Variants in DPYSL2 observed in about 807,000 individuals in gnomAD.
The protein encoded by DPYSL2 is dihydropyrimidinase-related protein 2.
Under a neutral mutation model 69.9 loss-of-function variants are expected in DPYSL2, and 13 were observed. That is an observed-to-expected ratio of 0.19 (90% CI 0.12 to 0.30). DPYSL2 has a LOEUF of 0.30. Among genes scored for constraint, DPYSL2 ranks in the 10% least tolerant of loss-of-function variants. The probability of loss-of-function intolerance (pLI) is 1.00; values close to 1 mark genes in which losing one functional copy is unlikely to be tolerated. For missense variants in DPYSL2, 587 were observed against 918.9 expected (o/e 0.64, Z 4.67); for synonymous variants, 326 against 359.1 (o/e 0.91, Z 1.04).
intron 1 of DPYSL2, among the ~76,000 whole-genome samples, chr8:26,569,370 AC>A (rs201779587): frequency 0.14 from 12,882 of 90,750 alleles, 1,181 homozygotes; most frequent in Non-Finnish European, 0.17. Context: ...AAAAACAAAA[AC>A]AAAAACAAAA....
In DPYSL2 at chr8:26,587,770, C is replaced by T. The variant is rs564138642; in HGVS notation, c.628+3787C>T. Among the ~76,000 whole-genome samples, 8 of 152,210 alleles carry T rather than the reference C, an allele frequency of 5.3e-5. No individual in the cohort carries two copies. In the East Asian group the frequency reaches 7.8e-4, roughly 15 times the overall value. The stretch of plus-strand genomic sequence containing the variant: ...CAGACCGGCTGAGGGGTTGCGGGGG[C>T]GGCCGCATTGCTGCTTGGGGAAAAC... On this transcript the variant is annotated intron_variant, in intron 3 of 13. Coordinates refer to ENST00000521913, the MANE Select transcript of DPYSL2 (RefSeq NM_001197293.3). This position sits in a 1 kb window ranked among gnomAD's most constrained non-coding sequence, Gnocchi z 4.2.
intron 1 of DPYSL2, among the ~76,000 whole-genome samples, chr8:26,563,998 T>C (rs906218269): frequency 2.0e-5 from 3 of 151,568 alleles, no homozygotes; most frequent in African/African-American, 4.9e-5. Flanking sequence ...TAAGACTGGG[T>C]AAGAGGAACT....
chr8:26,577,982 T>A lies in DPYSL2; in HGVS notation c.355-3987T>A. The A allele has an allele frequency of 2.3e-6, 3 of 1,315,788 alleles. No individual in the cohort carries two copies. In the South Asian group the frequency reaches 5.0e-5, roughly 22 times the overall value. 81.5% of individuals were successfully genotyped at this position (1,315,788 alleles called of 1,614,324 possible). Reference sequence around the variant, plus strand: ...TATTTCCACCCCCTTCCCTCCTGTTTCTCTCTCTCCTTCTCTCTCTCTCTC... The same window carrying A: ...TATTTCCACCCCCTTCCCTCCTGTTACTCTCTCTCCTTCTCTCTCTCTCTC... On this transcript the variant is annotated intron_variant, in intron 1 of 13. Transcript: ENST00000521913.
In DPYSL2 at chr8:26,640,668, G is replaced by A. The variant is rs373056785; in HGVS notation, c.1127-2771G>A. On this transcript the variant is annotated intron_variant, in intron 8 of 13. Coordinates refer to ENST00000521913, the MANE Select transcript of DPYSL2 (RefSeq NM_001197293.3). The surrounding 1 kb of genome is among the most constrained non-coding windows in gnomAD (Gnocchi z 4.2). The stretch of plus-strand genomic sequence containing the variant: ...GGAACATGATGGCTAAACTCCTGTC[G>A]CTGATTCTGGGCTAAGAAAGAAAGA... 7.2e-5 allele frequency among the ~76,000 whole-genome samples: 11 copies of A among 152,204 alleles called. No individual in the cohort carries two copies. Among genetic ancestry groups the A allele is most frequent in the African/African-American group, 1.9e-4 (8 of 41,516 alleles).
At chr8:26,631,021 G>C (rs1192398174) in intron 7 of DPYSL2, among the ~76,000 whole-genome samples, 3 of 152,204 alleles carry the variant, frequency 2.0e-5, no homozygotes, top group Non-Finnish European at 2.9e-5. Context: ...TGAGGCTCCT[G>C]CTGAGACCCT....
In DPYSL2 at chr8:26,564,036, A is replaced by G. The variant is rs969118375; in HGVS notation, c.355-17933A>G. Among the ~76,000 whole-genome samples the G allele has an allele frequency of 2.0e-5, 3 of 152,206 alleles. No homozygotes were observed. Among genetic ancestry groups the G allele is most frequent in the African/African-American group, 7.2e-5 (3 of 41,448 alleles). On this transcript the variant is annotated intron_variant, in intron 1 of 13. Transcript: ENST00000521913. This position sits in a 1 kb window ranked among gnomAD's most constrained non-coding sequence, Gnocchi z 4.8. ...ATGAATGTTTAGAAAGAAGAGTCAT[A>G]AAAGCGTGAAAAGAGCCAGAAAAAA...
In DPYSL2 at chr8:26,647,877, G is replaced by T; in HGVS notation, c.1596+77G>T. ...GACACAGACGGAGGGAGAGCCCCAG[G>T]GTTTCTAAAAAGAACTTGCTGTGAT... On this transcript the variant is annotated intron_variant, in intron 11 of 13. Transcript: ENST00000521913. This position sits in a 1 kb window ranked among gnomAD's most constrained non-coding sequence, Gnocchi z 5.1. 6.7e-7 allele frequency: 1 copy of T among 1,487,486 alleles called. No homozygotes were observed. The highest frequency in any genetic ancestry group is 9.0e-7 in the Non-Finnish European group (1 of 1,116,568). 92.1% of individuals were successfully genotyped at this position (1,487,486 alleles called of 1,614,324 possible).
intron 1 of DPYSL2, among the ~76,000 whole-genome samples, chr8:26,561,498 C>T (rs547691746): frequency 6.6e-6 from 1 of 152,260 alleles, no homozygotes; most frequent in South Asian, 2.1e-4. Flanking sequence ...ACCATGGCCC[C>T]AATGGAAACC....
Position 26,588,756 on chromosome 8 carries a change from C to T in DPYSL2, c.628+4773C>T, listed in dbSNP as rs910986545. ...CATCAGGCACCTCCATCCAACTGTC[C>T]CCAGTTGGACTCCCTGTCTGCTCCT... On this transcript the variant is annotated intron_variant, in intron 3 of 13. Coordinates refer to ENST00000521913, the MANE Select transcript of DPYSL2 (RefSeq NM_001197293.3). This position sits in a 1 kb window ranked among gnomAD's most constrained non-coding sequence, Gnocchi z 5.4. 2.0e-5 allele frequency among the ~76,000 whole-genome samples: 3 copies of T among 152,130 alleles called. No individual in the cohort carries two copies. Among genetic ancestry groups the T allele is most frequent in the Admixed American group, 6.5e-5 (1 of 15,288 alleles).
intron 1 of DPYSL2, among the ~76,000 whole-genome samples, chr8:26,554,442 A>T (rs1352234156): frequency 1.3e-5 from 2 of 151,962 alleles, no homozygotes; most frequent in African/African-American, 4.8e-5. Context: ...GTAGTTTGCA[A>T]ATATTTTTTC....
In DPYSL2 at chr8:26,657,119, A is replaced by G. The variant is rs1803411096; in HGVS notation, c.*1413A>G. The stretch of plus-strand genomic sequence containing the variant: ...CACACTACATAGAAAGAGGCCCTAT[A>G]AACTCAAAAAGTCATTGGGAAACTT... On this transcript the variant is annotated 3_prime_UTR_variant, in exon 14 of 14. Transcript: ENST00000521913. The G allele has an allele frequency of 6.6e-6, 1 of 152,328 alleles. No homozygotes were observed. The highest frequency in any genetic ancestry group is 1.5e-5 in the Non-Finnish European group (1 of 68,048). 9.4% of individuals were successfully genotyped at this position (152,328 alleles called of 1,614,324 possible). A position where few individuals can be genotyped will look rare whatever the true frequency, so the allele number is the denominator to read the frequency against.
Position 26,626,529 on chromosome 8 carries a change from A to G in DPYSL2, c.794-88A>G. ...CACACACACACACACACACGTACAC[A>G]CACAGACAGTATTATCACTTTCTTA... On this transcript the variant is annotated intron_variant, in intron 4 of 13. Transcript: ENST00000521913. This position sits in a 1 kb window ranked among gnomAD's most constrained non-coding sequence, Gnocchi z 4.3. 3.4e-6 allele frequency: 4 copies of G among 1,174,522 alleles called. No individual in the cohort carries two copies. Among genetic ancestry groups the G allele is most frequent in the Non-Finnish European group, 5.0e-6 (4 of 793,168 alleles). The allele number at this position is 1,174,522 out of a possible 1,614,324, so 72.8% of individuals were successfully genotyped here.
chr8:26,591,960 C>T lies in DPYSL2; in HGVS notation c.628+7977C>T, dbSNP rs574358894. ...GTAAGCAGGCATATACCCACGGAGT[C>T]GCTTAAGAAAACACCTAACCACACT... On this transcript the variant is annotated intron_variant, in intron 3 of 13. Transcript: ENST00000521913. This position sits in a 1 kb window ranked among gnomAD's most constrained non-coding sequence, Gnocchi z 5.8. Among the ~76,000 whole-genome samples the T allele has an allele frequency of 2.6e-5, 4 of 152,280 alleles. No individual in the cohort carries two copies. The highest frequency in any genetic ancestry group is 1.9e-4 in the East Asian group (1 of 5,184).
intron 1 of DPYSL2, among the ~76,000 whole-genome samples, chr8:26,581,434 C>A (rs1049715422): frequency 6.6e-6 from 1 of 150,972 alleles, no homozygotes; most frequent in African/African-American, 2.4e-5. Flanking sequence ...GGTGCAGTGA[C>A]GTGATCTCGG....
At chr8:26,549,082 G>A (rs74389531) in intron 1 of DPYSL2, among the ~76,000 whole-genome samples, 1,952 of 151,850 alleles carry the variant, frequency 0.013, 23 homozygotes, top group Middle Eastern at 0.072. Flanking sequence ...CCAGTTACTC[G>A]GGAGGCTGAG....
Position 26,583,905 on chromosome 8 carries a change from C to A in DPYSL2, c.550C>A (p.Pro184Thr). ...TGACGTCCACACTCGTTTCCAGATG[C>A]CTGATCAGGGAATGACGTCTGCTGA... ...GIDVHTRFQMPDQGMTSADDF... is the reference protein window; with the variant it reads ...GIDVHTRFQMTDQGMTSADDF... Residue 184 changes from proline to threonine, a missense_variant, in exon 3 of 14, where the codon CCT becomes ACT. Transcript: ENST00000521913. The A allele has an allele frequency of 6.2e-7, 1 of 1,614,154 alleles. No homozygotes were observed. The highest frequency in any genetic ancestry group is 8.5e-7 in the Non-Finnish European group (1 of 1,180,024).
Position 26,624,686 on chromosome 8 carries a change from A to T in DPYSL2, c.793+379A>T, listed in dbSNP as rs529411172. Among the ~76,000 whole-genome samples the T allele has an allele frequency of 1.3e-5, 2 of 152,344 alleles. No individual in the cohort carries two copies. Among genetic ancestry groups the T allele is most frequent in the South Asian group, 4.1e-4 (2 of 4,828 alleles). On this transcript the variant is annotated intron_variant, in intron 4 of 13. Transcript: ENST00000521913. The surrounding 1 kb of genome is among the most constrained non-coding windows in gnomAD (Gnocchi z 4.7). ...ATACATATCTCAGTGAGGATTTGACAGTCTCAGGAGAGTGTTGGGCAGCCC... is the reference window on the plus strand; with the variant it reads ...ATACATATCTCAGTGAGGATTTGACTGTCTCAGGAGAGTGTTGGGCAGCCC...
Position 26,562,334 on chromosome 8 carries a change from G to A in DPYSL2, c.355-19635G>A, listed in dbSNP as rs1364299119. 6.6e-6 allele frequency among the ~76,000 whole-genome samples: 1 copy of A among 152,178 alleles called. No individual in the cohort carries two copies. The highest frequency in any genetic ancestry group is 1.5e-5 in the Non-Finnish European group (1 of 68,036). Reference sequence around the variant, plus strand: ...ATACTTGCAAAGCACTGAGAACAATGCCTGGCCCAGTAATTGCTGCAAAAG... The same window carrying A: ...ATACTTGCAAAGCACTGAGAACAATACCTGGCCCAGTAATTGCTGCAAAAG... On this transcript the variant is annotated intron_variant, in intron 1 of 13. Coordinates refer to ENST00000521913, the MANE Select transcript of DPYSL2 (RefSeq NM_001197293.3). This position sits in a 1 kb window ranked among gnomAD's most constrained non-coding sequence, Gnocchi z 4.9.
In DPYSL2 at chr8:26,609,084, G is replaced by A. The variant is rs748906698; in HGVS notation, c.629-15059G>A. Among the ~76,000 whole-genome samples, 2 of 152,176 alleles carry A rather than the reference G, an allele frequency of 1.3e-5. No individual in the cohort carries two copies. The highest frequency in any genetic ancestry group is 4.8e-5 in the African/African-American group (2 of 41,432). ...GTGGAGTGGGTGTCCATTTGCTGAC[G>A]AGCACCCTGTGTACACGCTAGTTTT... is the stretch of plus-strand genomic sequence containing the variant. On this transcript the variant is annotated intron_variant, in intron 3 of 13. Coordinates refer to ENST00000521913, the MANE Select transcript of DPYSL2 (RefSeq NM_001197293.3). The surrounding 1 kb of genome is among the most constrained non-coding windows in gnomAD (Gnocchi z 6.5).
Sources: allele counts gnomAD v4.1 joint callset (sites outside exome capture counted in the v4.1 genomes callset), GRCh38; gene constraint gnomAD v4.1.1; non-coding constraint Gnocchi (gnomAD v3.1); transcripts MANE v1.5; gene names NCBI Gene and HGNC (gene_info 2026-07-23, HGNC 2026-07-21).